ST18: variants seen among roughly 807,000 people sequenced by gnomAD.
The protein encoded by ST18 is suppression of tumorigenicity 18 protein.
ST18 carries 50 observed loss-of-function variants against 110.0 expected under a neutral mutation model. The observed-to-expected ratio is 0.45, with a 90% CI of 0.36 to 0.58. ST18 has a LOEUF of 0.58. ST18 is among the 20% of genes least tolerant of loss of function. The pLI is 0.00. For missense variants in ST18, 1,306 were observed against 1,280.1 expected (o/e 1.02, Z -0.31); for synonymous variants, 461 against 452.4 (o/e 1.02, Z -0.24).
At chr8:52,331,502 G>T (rs188631334) in intron 2 of ST18, among the ~76,000 whole-genome samples, 1 of 152,126 alleles carries the variant, frequency 6.6e-6, no homozygotes, top group African/African-American at 2.4e-5. Flanking sequence ...TACCCAGCCC[G>T]TCTCTGCAAT....
At chr8:52,201,596 A>T (rs1159570203) in intron 8 of ST18, among the ~76,000 whole-genome samples, 1 of 146,338 alleles carries the variant, frequency 6.8e-6, no homozygotes, top group African/African-American at 2.7e-5. Flanking sequence ...CACAGTGAGA[A>T]TCCTTAGAAA....
At chr8:52,347,155 G>A (rs1818156436) in intron 2 of ST18, among the ~76,000 whole-genome samples, 1 of 152,150 alleles carries the variant, frequency 6.6e-6, no homozygotes, top group South Asian at 2.1e-4. Flanking sequence ...TATTTGTAAG[G>A]TTATGGTGAC....
chr8:52,234,963 G>A (rs1254334139), intron 2 of ST18, among the ~76,000 whole-genome samples: 1 of 152,022 alleles, frequency 6.6e-6, no homozygotes, highest in Non-Finnish European at 1.5e-5. Flanking sequence ...GGGACTCAGG[G>A]GAAAGGGTGG....
chr8:52,132,921 G>T, intron 21 of ST18, 136 bp downstream of exon 21: 1 of 965,086 alleles, frequency 1.0e-6, no homozygotes, highest in Non-Finnish European at 1.6e-6. Context: ...CCACCAAATA[G>T]TTTGACTCTT....
chr8:52,235,296 T>A (rs1219137858), intron 2 of ST18, among the ~76,000 whole-genome samples: 3 of 151,920 alleles, frequency 2.0e-5, no homozygotes, highest in Non-Finnish European at 4.4e-5. Flanking sequence ...GGTCTCCGAG[T>A]TCCCACAGGA....
At position 52,373,505 on chromosome 8, in the gene ST18, C is replaced by T. The variant is rs574973906; in HGVS notation, c.-465+35823G>A. On this transcript the variant is annotated intron_variant, in intron 2 of 25. Transcript: ENST00000689386. Reference sequence around the variant, plus strand: ...CCTCCCCTCCAGTGATCTTGTTATTCGCCCTTTCTCAGGAGCTCCTTCCCA... The same window carrying T: ...CCTCCCCTCCAGTGATCTTGTTATTTGCCCTTTCTCAGGAGCTCCTTCCCA... Among the ~76,000 whole-genome samples, 6 of 152,040 alleles carry T rather than the reference C, an allele frequency of 3.9e-5. No homozygotes were observed. The East Asian group carries it at 5.8e-4, about 15-fold the overall frequency.
intron 2 of ST18, among the ~76,000 whole-genome samples, chr8:52,308,419 G>C (rs2095848408): frequency 6.6e-6 from 1 of 152,166 alleles, no homozygotes; most frequent in Admixed American, 6.5e-5. Context: ...ACATTTAATA[G>C]ATATGGGCTC....
intron 2 of ST18, among the ~76,000 whole-genome samples, chr8:52,251,604 GA>G (rs139510427): frequency 0.21 from 32,185 of 151,854 alleles, 4,022 homozygotes; most frequent in Middle Eastern, 0.39. Flanking sequence ...CCAGTAAAAG[GA>G]AAGACAATGC....
At chr8:52,390,924 T>C (rs1839114022) in intron 2 of ST18, among the ~76,000 whole-genome samples, 1 of 152,142 alleles carries the variant, frequency 6.6e-6, no homozygotes, top group East Asian at 1.9e-4. Flanking sequence ...AGAAGAGAAA[T>C]CTAGGATTGG....
chr8:52,298,725 C>T (rs1343647970), intron 2 of ST18, among the ~76,000 whole-genome samples: 1 of 152,158 alleles, frequency 6.6e-6, no homozygotes, highest in Non-Finnish European at 1.5e-5. Flanking sequence ...ACACATATTC[C>T]TTTTTGCATT....
At chr8:52,154,841 A>G (rs550697182) in intron 15 of ST18, 1 of 150,146 alleles carries the variant, frequency 6.7e-6, no homozygotes, top group African/African-American at 2.5e-5. Flanking sequence ...TGATCACATC[A>G]CTGCACTCCA....
chr8:52,198,250 C>T (rs1286842262), intron 8 of ST18, among the ~76,000 whole-genome samples: 1 of 152,156 alleles, frequency 6.6e-6, no homozygotes, highest in Admixed American at 6.5e-5. Flanking sequence ...TGTGATCTGC[C>T]TGCCTCAACC....
At chr8:52,113,397 G>T in intron 25 of ST18, 59 bp from the exon 26 acceptor site, 2 of 1,589,324 alleles carry the variant, frequency 1.3e-6, no homozygotes, top group South Asian at 2.3e-5. Context: ...GGGAAAAGAA[G>T]GACCCAGTGA....
chr8:52,203,188 G>C (rs2078610714), intron 8 of ST18, among the ~76,000 whole-genome samples: 2 of 152,148 alleles, frequency 1.3e-5, no homozygotes, highest in Admixed American at 1.3e-4. Context: ...GACATGGAGG[G>C]GGTAGGGGGA....
At chr8:52,178,070 G>A (rs374507883) in intron 9 of ST18, among the ~76,000 whole-genome samples, 24 of 152,084 alleles carry the variant, frequency 1.6e-4, no homozygotes, top group African/African-American at 5.6e-4. Flanking sequence ...TTTAACTGGA[G>A]GACATCTGGA....
intron 2 of ST18, among the ~76,000 whole-genome samples, chr8:52,355,759 G>A (rs1399288287): frequency 6.6e-6 from 1 of 152,164 alleles, no homozygotes; most frequent in Non-Finnish European, 1.5e-5. Flanking sequence ...CCACACTGCT[G>A]GTTCAGGTTT....
intron 15 of ST18, among the ~76,000 whole-genome samples, chr8:52,152,451 G>A (rs1239155335): frequency 6.6e-6 from 1 of 152,106 alleles, no homozygotes; most frequent in Non-Finnish European, 1.5e-5. Flanking sequence ...TTTAGTTTAA[G>A]TATTTCAATG....
intron 2 of ST18, among the ~76,000 whole-genome samples, chr8:52,312,674 A>G (rs2095942274): frequency 6.6e-6 from 1 of 152,188 alleles, no homozygotes; most frequent in South Asian, 2.1e-4. Flanking sequence ...GAAAAAAAAG[A>G]CCAGGAAAAT....
Position 52,227,204 on chromosome 8 carries a change from T to C in ST18, c.-419+2828A>G, listed in dbSNP as rs1269575736. On this transcript the variant is annotated intron_variant, in intron 3 of 25. Coordinates refer to ENST00000689386, the MANE Select transcript of ST18 (RefSeq NM_001352837.2). Reference sequence around the variant, plus strand: ...TAAAGATTTTTAAAAAATACACGTATTTTTCTCCTAAGAATGTACCCATTA... The same window carrying C: ...TAAAGATTTTTAAAAAATACACGTACTTTTCTCCTAAGAATGTACCCATTA... Among the ~76,000 whole-genome samples the C allele has an allele frequency of 2.0e-5, 3 of 152,164 alleles. No homozygotes were observed. In the East Asian group the frequency reaches 5.8e-4, roughly 29 times the overall value.
Sources: gnomAD v4.1 joint callset for allele counts (sites outside exome capture counted in the v4.1 genomes callset) on GRCh38, gnomAD v4.1.1 for gene constraint, MANE v1.5 for transcripts, NCBI Gene and HGNC (gene_info 2026-07-23, HGNC 2026-07-21) for gene names.